JAKMIP1: variants seen among roughly 807,000 people sequenced by gnomAD.
The protein encoded by JAKMIP1 is janus kinase and microtubule interacting protein 1, also known as janus kinase and microtubule-interacting protein 1.
A neutral mutation model predicts 113.0 loss-of-function variants in JAKMIP1; 33 were observed. The observed-to-expected ratio is 0.29, with a 90% CI of 0.22 to 0.39. The LOEUF (loss-of-function observed/expected upper bound fraction) is 0.39, where lower values mean the gene tolerates loss of function less well. JAKMIP1 is among the 10% of genes least tolerant of loss of function. The pLI is 1.00. For missense variants in JAKMIP1, 813 were observed against 1,080.5 expected (o/e 0.75, Z 3.47); for synonymous variants, 480 against 459.9 (o/e 1.04, Z -0.56).
Position 6,048,957 on chromosome 4 carries a change from T to C in JAKMIP1, c.1963-35A>G, listed in dbSNP as rs771628828. On this transcript the variant is annotated intron_variant, in intron 15 of 20. Coordinates refer to ENST00000409021, the MANE Select transcript of JAKMIP1 (RefSeq NM_001099433.2). ...AAAAATGGGCAAGGGCATTTGACAC[T>C]GGATCCCAAATCCACGTGCAGACAG... is the stretch of plus-strand genomic sequence containing the variant. 7.1e-6 allele frequency: 11 copies of C among 1,556,576 alleles called. 1 individual carries two copies. In the South Asian group the frequency reaches 1.2e-4, roughly 17 times the overall value.
At chr4:6,177,121 A>T (rs1005564435) in intron 1 of JAKMIP1, among the ~76,000 whole-genome samples, 1 of 152,214 alleles carries the variant, frequency 6.6e-6, no homozygotes, top group Admixed American at 6.5e-5. Flanking sequence ...ACCCACTGGC[A>T]TCCTGAAACC....
chr4:6,084,623 G>A (rs1046700314), intron 5 of JAKMIP1, among the ~76,000 whole-genome samples: 2 of 152,104 alleles, frequency 1.3e-5, no homozygotes, highest in African/African-American at 4.8e-5. Flanking sequence ...TCTCATGGAA[G>A]TTCTCCAGTT....
Position 6,064,743 on chromosome 4 carries a change from T to TAA in JAKMIP1, c.1431+135_1431+136dup. 1 of 1,107,586 alleles carries TAA rather than the reference T, an allele frequency of 9.0e-7. No individual in the cohort carries two copies. Among genetic ancestry groups the TAA allele is most frequent in the African/African-American group, 1.6e-5 (1 of 63,448 alleles). 68.6% of individuals were successfully genotyped at this position (1,107,586 alleles called of 1,614,324 possible). ...CTTCCCTTCACACCATTGGCTTTGA[T>TAA]AATGCACTGGTAGGAACTGGTCATC... is the stretch of plus-strand genomic sequence containing the variant. On this transcript the variant is annotated intron_variant, in intron 9 of 20. Coordinates refer to ENST00000409021, the MANE Select transcript of JAKMIP1 (RefSeq NM_001099433.2). This position sits in a 1 kb window ranked among gnomAD's most constrained non-coding sequence, Gnocchi z 4.3.
At chr4:6,102,114 T>C (rs1021760967) in intron 3 of JAKMIP1, among the ~76,000 whole-genome samples, 1 of 152,232 alleles carries the variant, frequency 6.6e-6, no homozygotes, top group Non-Finnish European at 1.5e-5. Flanking sequence ...CTTAGATTTA[T>C]TCCTAGGTAT....
intron 1 of JAKMIP1, among the ~76,000 whole-genome samples, chr4:6,151,766 A>T (rs1217712238): frequency 6.6e-6 from 1 of 152,138 alleles, no homozygotes; most frequent in Admixed American, 6.5e-5. Context: ...ATGGAGTGAG[A>T]CCTTAGGCCA....
chr4:6,138,817 T>C lies in JAKMIP1; in HGVS notation c.-147-25820A>G, dbSNP rs1719644035. Among the ~76,000 whole-genome samples, 1 of 152,006 alleles carries C rather than the reference T, an allele frequency of 6.6e-6. No individual in the cohort carries two copies. The highest frequency in any genetic ancestry group is 1.5e-5 in the Non-Finnish European group (1 of 68,014). ...CCCTGAGCTTCAGTTTCCCCTAACC[T>C]GGAAAAATGAGGAAAATCATAGTAC... On this transcript the variant is annotated intron_variant, in intron 1 of 20. Coordinates refer to ENST00000409021, the MANE Select transcript of JAKMIP1 (RefSeq NM_001099433.2). This position sits in a 1 kb window ranked among gnomAD's most constrained non-coding sequence, Gnocchi z 6.0.
intron 1 of JAKMIP1, among the ~76,000 whole-genome samples, chr4:6,161,052 C>T (rs1389785136): frequency 1.3e-5 from 2 of 148,544 alleles, no homozygotes. Flanking sequence ...CCTCCCCAAC[C>T]TCCACTCACC....
rs1345899334 is a variant in JAKMIP1 at position 6,081,837 on chromosome 4, C to T, written c.955-82G>A. On this transcript the variant is annotated intron_variant, in intron 5 of 20. Transcript: ENST00000409021. The surrounding 1 kb of genome is among the most constrained non-coding windows in gnomAD (Gnocchi z 4.6). Reference sequence around the variant, plus strand: ...CACAGCACCGAGGTGAGCAGAGACTCAACCCAGTTAGGACCCCTTCTGAGG... The same window carrying T: ...CACAGCACCGAGGTGAGCAGAGACTTAACCCAGTTAGGACCCCTTCTGAGG... 1 of 1,549,398 alleles carries T rather than the reference C, an allele frequency of 6.5e-7. No homozygotes were observed. The highest frequency in any genetic ancestry group is 8.8e-7 in the Non-Finnish European group (1 of 1,132,494).
At position 6,179,680 on chromosome 4, in the gene JAKMIP1, C is replaced by T. The variant is rs1476235417; in HGVS notation, c.-148+20573G>A. ...TGGGTCTCTTGGGGTATCACTCCTG[C>T]CCCCAGACCAAAAGCAACAGCTAAA... On this transcript the variant is annotated intron_variant, in intron 1 of 20. Transcript: ENST00000409021. This position sits in a 1 kb window ranked among gnomAD's most constrained non-coding sequence, Gnocchi z 4.5. Among the ~76,000 whole-genome samples the T allele has an allele frequency of 6.6e-6, 1 of 152,182 alleles. No individual in the cohort carries two copies. Among genetic ancestry groups the T allele is most frequent in the African/African-American group, 2.4e-5 (1 of 41,440 alleles).
At position 6,156,665 on chromosome 4, in the gene JAKMIP1, G is replaced by C. The variant is rs1455209878; in HGVS notation, c.-148+43588C>G. ...GTCTTCACCCAGGAAATGTCTGACA[G>C]CATCCGCTGAGATGTGGGAGCTAAA... On this transcript the variant is annotated intron_variant, in intron 1 of 20. Coordinates refer to ENST00000409021, the MANE Select transcript of JAKMIP1 (RefSeq NM_001099433.2). This position sits in a 1 kb window ranked among gnomAD's most constrained non-coding sequence, Gnocchi z 5.0. Among the ~76,000 whole-genome samples the C allele has an allele frequency of 6.6e-6, 1 of 152,230 alleles. No homozygotes were observed. The highest frequency in any genetic ancestry group is 1.5e-5 in the Non-Finnish European group (1 of 68,044).
Position 6,184,982 on chromosome 4 carries a change from A to T in JAKMIP1, c.-148+15271T>A, listed in dbSNP as rs1001369299. 3.3e-5 allele frequency among the ~76,000 whole-genome samples: 5 copies of T among 152,158 alleles called. No individual in the cohort carries two copies. Among genetic ancestry groups the T allele is most frequent in the African/African-American group, 1.2e-4 (5 of 41,446 alleles). ...GGCCTCCATCTTTCTCCCGTGCTGG[A>T]TGCTTCCTCCCCTCGAACATCAGAC... On this transcript the variant is annotated intron_variant, in intron 1 of 20. Transcript: ENST00000409021. This position sits in a 1 kb window ranked among gnomAD's most constrained non-coding sequence, Gnocchi z 4.5.
At chr4:6,170,356 CACCACCACCTCT>C in intron 1 of JAKMIP1, among the ~76,000 whole-genome samples, 2 of 151,408 alleles carry the variant, frequency 1.3e-5, no homozygotes, top group Non-Finnish European at 3.0e-5. Context: ...TCACCACCAC[CACCACCACCTCT>C]ATCACCACCA....
chr4:6,026,611 TATAA>T (rs1486602498), intron 20 of JAKMIP1, among the ~76,000 whole-genome samples: 5 of 151,694 alleles, frequency 3.3e-5, no homozygotes, highest in Non-Finnish European at 7.4e-5. Context: ...GGCAGGCCGG[TATAA>T]ATAGAGGAAG....
chr4:6,029,007 A>G (rs1419304528), intron 20 of JAKMIP1, among the ~76,000 whole-genome samples: 1 of 152,210 alleles, frequency 6.6e-6, no homozygotes, highest in Non-Finnish European at 1.5e-5. Context: ...GTGGAAGAAG[A>G]TGAAGGGCAA....
At chr4:6,105,444 C>T (rs913687885) in intron 3 of JAKMIP1, 29 bp downstream of exon 3, 3 of 1,554,430 alleles carry the variant, frequency 1.9e-6, no homozygotes, top group Non-Finnish European at 2.6e-6. Context: ...GGCCGCGTGC[C>T]CGCGGGCGGG....
Position 6,086,167 on chromosome 4 carries a change from C to T in JAKMIP1, c.625-538G>A, listed in dbSNP as rs73073472. Among the ~76,000 whole-genome samples, 367 of 152,242 alleles carry T rather than the reference C, an allele frequency of 2.4e-3. 4 individuals carry two copies. Among genetic ancestry groups the T allele is most frequent in the African/African-American group, 8.0e-3 (333 of 41,546 alleles). On this transcript the variant is annotated intron_variant, in intron 3 of 20. Coordinates refer to ENST00000409021, the MANE Select transcript of JAKMIP1 (RefSeq NM_001099433.2). The surrounding 1 kb of genome is among the most constrained non-coding windows in gnomAD (Gnocchi z 4.1). ...ACTCCGTCACCCACTCCCAGACTCA[C>T]GACCTCCTGCTCCCTCTCCCCAAGG...
At chr4:6,074,935 G>T (rs1347833317) in intron 8 of JAKMIP1, among the ~76,000 whole-genome samples, 2 of 152,238 alleles carry the variant, frequency 1.3e-5, no homozygotes, top group Non-Finnish European at 2.9e-5. Flanking sequence ...TGTGTAGGAG[G>T]CTAGACCATC....
Position 6,031,301 on chromosome 4 carries a change from G to A in JAKMIP1, c.2380-1520C>T, listed in dbSNP as rs138166510. 1.1e-4 allele frequency among the ~76,000 whole-genome samples: 17 copies of A among 152,170 alleles called. No individual in the cohort carries two copies. In the East Asian group the frequency reaches 1.6e-3, roughly 14 times the overall value. On this transcript the variant is annotated intron_variant, in intron 19 of 20. Transcript: ENST00000409021. This position sits in a 1 kb window ranked among gnomAD's most constrained non-coding sequence, Gnocchi z 4.4. ...AAAAATGAGCCGGGCTTGGTGGTGC[G>A]CTCCTGTAGGGAGGCTGAGACAGGA...
In JAKMIP1 at chr4:6,116,826, G is replaced by T. The variant is rs1169046617; in HGVS notation, c.-147-3829C>A. On this transcript the variant is annotated intron_variant, in intron 1 of 20. Coordinates refer to ENST00000409021, the MANE Select transcript of JAKMIP1 (RefSeq NM_001099433.2). The surrounding 1 kb of genome is among the most constrained non-coding windows in gnomAD (Gnocchi z 5.1). ...CAATGATGGCTTGTGGTAGGTGCTGGAAAGAACAAGTCTACAGGGCACTGT... is the reference window on the plus strand; with the variant it reads ...CAATGATGGCTTGTGGTAGGTGCTGTAAAGAACAAGTCTACAGGGCACTGT... Among the ~76,000 whole-genome samples the T allele has an allele frequency of 4.6e-5, 7 of 152,198 alleles. 1 individual carries two copies. The highest frequency in any genetic ancestry group is 4.6e-4 in the Admixed American group (7 of 15,276).
Sources: allele counts gnomAD v4.1 joint callset (sites outside exome capture counted in the v4.1 genomes callset), GRCh38; gene constraint gnomAD v4.1.1; non-coding constraint Gnocchi (gnomAD v3.1); transcripts MANE v1.5; gene names NCBI Gene and HGNC (gene_info 2026-07-23, HGNC 2026-07-21).